LSAMP: variants seen among roughly 807,000 people sequenced by gnomAD.
The protein encoded by LSAMP is limbic system associated membrane protein, also known as limbic system-associated membrane protein.
A neutral mutation model predicts 38.6 loss-of-function variants in LSAMP; 7 were observed. The observed-to-expected ratio is 0.18, with a 90% confidence interval of 0.10 to 0.34. LSAMP has a LOEUF of 0.34. Ranked by LOEUF, LSAMP falls within the 10% of genes least tolerant of loss-of-function variation. The pLI is 1.00. For synonymous variants in LSAMP, 154 were observed against 166.8 expected, an observed-to-expected ratio of 0.92 and a Z score of 0.59; for missense variants, 313 against 420.0, an observed-to-expected ratio of 0.75 and a Z score of 2.23.
At chr3:116,214,812 C>T (rs1363217398) in intron 1 of LSAMP, among the ~76,000 whole-genome samples, 3 of 151,976 alleles carry the variant, frequency 2.0e-5, no homozygotes, top group African/African-American at 7.3e-5. Flanking sequence ...CAGGATGGGT[C>T]CTTTAAAACA....
At chr3:115,836,492 C>T (rs950412154) in intron 6 of LSAMP, among the ~76,000 whole-genome samples, 2 of 152,160 alleles carry the variant, frequency 1.3e-5, no homozygotes, top group Non-Finnish European at 2.9e-5. Flanking sequence ...TGCACTTCTC[C>T]TTTGGCAGCT....
intron 1 of LSAMP, among the ~76,000 whole-genome samples, chr3:116,172,852 G>A (rs928293014): frequency 6.6e-6 from 1 of 151,958 alleles, no homozygotes; most frequent in African/African-American, 2.4e-5. Context: ...TATTGGCATT[G>A]TTGAGTGAAG....
At chr3:116,215,673 A>G (rs2046211026) in intron 1 of LSAMP, among the ~76,000 whole-genome samples, 1 of 152,196 alleles carries the variant, frequency 6.6e-6, no homozygotes, top group East Asian at 1.9e-4. Flanking sequence ...CCAAGCAATC[A>G]GAGAGATGCA....
intron 4 of LSAMP, among the ~76,000 whole-genome samples, chr3:115,845,654 T>C (rs77982056): frequency 5.5e-4 from 84 of 152,294 alleles, no homozygotes; most frequent in African/African-American, 1.9e-3. Flanking sequence ...CACCCCAGGG[T>C]TGCCATGCAT....
At chr3:116,064,185 T>C (rs1279158602) in intron 2 of LSAMP, among the ~76,000 whole-genome samples, 3 of 152,162 alleles carry the variant, frequency 2.0e-5, no homozygotes, top group Non-Finnish European at 4.4e-5. Context: ...TATAAAAGCT[T>C]TCAGAAACAC....
chr3:116,206,714 T>C (rs4555516), intron 1 of LSAMP, among the ~76,000 whole-genome samples: 1 of 151,614 alleles, frequency 6.6e-6, no homozygotes, highest in African/African-American at 2.4e-5. Flanking sequence ...CTGAGCAGTT[T>C]TGAGTGAGAT....
At chr3:116,117,808 G>T (rs1457303810) in intron 1 of LSAMP, among the ~76,000 whole-genome samples, 3 of 152,132 alleles carry the variant, frequency 2.0e-5, no homozygotes, top group African/African-American at 7.2e-5. Flanking sequence ...ATTAAGAAGG[G>T]TATATACTCT....
chr3:116,316,494 C>T (rs530630138), intron 1 of LSAMP, among the ~76,000 whole-genome samples: 4 of 152,190 alleles, frequency 2.6e-5, no homozygotes, highest in Admixed American at 6.5e-5. Context: ...AGGAAAAGGC[C>T]GGGCGCCGTG....
intron 1 of LSAMP, among the ~76,000 whole-genome samples, chr3:116,294,582 T>C (rs1415423241): frequency 1.3e-5 from 2 of 152,220 alleles, no homozygotes; most frequent in African/African-American, 4.8e-5. Context: ...TTCATACAAA[T>C]TTCAGCATTA....
intron 1 of LSAMP, among the ~76,000 whole-genome samples, chr3:116,429,659 A>G (rs987202149): frequency 3.3e-5 from 5 of 152,182 alleles, no homozygotes; most frequent in Non-Finnish European, 4.4e-5. Context: ...ATCAGTAGAG[A>G]GAAGGATTAC....
intron 1 of LSAMP, among the ~76,000 whole-genome samples, chr3:116,139,805 G>A (rs1709331813): frequency 6.6e-6 from 1 of 151,958 alleles, no homozygotes. Flanking sequence ...CTGTTCTTTT[G>A]CTAGCCAGGC....
At chr3:116,075,652 T>C (rs1707724650) in intron 2 of LSAMP, among the ~76,000 whole-genome samples, 1 of 151,512 alleles carries the variant, frequency 6.6e-6, no homozygotes, top group South Asian at 2.1e-4. Flanking sequence ...AGTGATCTCC[T>C]GCCTCAGCTT....
intron 1 of LSAMP, among the ~76,000 whole-genome samples, chr3:116,093,845 C>T (rs1454485068): frequency 1.3e-5 from 2 of 152,096 alleles, no homozygotes; most frequent in African/African-American, 4.8e-5. Flanking sequence ...TGCCTTGTAA[C>T]TTCAATCCTA....
intron 1 of LSAMP, among the ~76,000 whole-genome samples, chr3:116,295,847 C>T (rs1447075727): frequency 6.6e-6 from 1 of 152,184 alleles, no homozygotes; most frequent in African/African-American, 2.4e-5. Flanking sequence ...ACATAATAAA[C>T]TCCCACAGTT....
chr3:116,204,585 G>A (rs1425945566), intron 1 of LSAMP, among the ~76,000 whole-genome samples: 3 of 151,838 alleles, frequency 2.0e-5, no homozygotes, highest in East Asian at 1.9e-4. Context: ...TGTATAAGGT[G>A]TAAGGAAGGG....
chr3:116,151,892 A>G (rs1279402309), intron 1 of LSAMP, among the ~76,000 whole-genome samples: 2 of 152,082 alleles, frequency 1.3e-5, no homozygotes, highest in Admixed American at 6.6e-5. Flanking sequence ...GAGACACCCA[A>G]AAGTGACACA....
chr3:116,115,327 G>T (rs779806848), intron 1 of LSAMP, among the ~76,000 whole-genome samples: 5 of 152,220 alleles, frequency 3.3e-5, no homozygotes, highest in Non-Finnish European at 7.3e-5. Flanking sequence ...AACAGCCTAT[G>T]TAATGTAGGT....
At chr3:116,302,369 C>G (rs1326347503) in intron 1 of LSAMP, among the ~76,000 whole-genome samples, 1 of 152,132 alleles carries the variant, frequency 6.6e-6, no homozygotes, top group Non-Finnish European at 1.5e-5. Context: ...TAGTTCTCAG[C>G]CTTCATCTTT....
At chr3:116,157,312 A>G (rs1196811519) in intron 1 of LSAMP, among the ~76,000 whole-genome samples, 2 of 152,138 alleles carry the variant, frequency 1.3e-5, no homozygotes, top group Non-Finnish European at 2.9e-5. Flanking sequence ...GGAACTGAAA[A>G]AAAGGAAAAG....
Sources: gnomAD v4.1 joint callset for allele counts (sites outside exome capture counted in the v4.1 genomes callset) on GRCh38, gnomAD v4.1.1 for gene constraint, MANE v1.5 for transcripts, NCBI Gene and HGNC (gene_info 2026-07-23, HGNC 2026-07-21) for gene names.